The following SH3GL2 variants were observed in gnomAD, a reference collection of about 807,000 sequenced individuals.
SH3GL2 encodes the protein SH3 domain containing GRB2 like 2, endophilin A1.
A neutral mutation model predicts 46.0 loss-of-function variants in SH3GL2; 24 were observed. The observed-to-expected ratio is 0.52, with a 90% CI of 0.38 to 0.73. SH3GL2 has a LOEUF of 0.73. SH3GL2 is among the 30% of genes least tolerant of loss of function. SH3GL2 has a pLI of 0.00. For synonymous variants in SH3GL2, 196 were observed against 147.1 expected, an observed-to-expected ratio of 1.33 and a Z score of -2.40; for missense variants, 413 against 424.2, an observed-to-expected ratio of 0.97 and a Z score of 0.23.
At chr9:17,687,925 AAATT>A (rs1820964928) in intron 1 of SH3GL2, among the ~76,000 whole-genome samples, 2 of 152,112 alleles carry the variant, frequency 1.3e-5, no homozygotes, top group Non-Finnish European at 2.9e-5. Flanking sequence ...TTATGTAACA[AAATT>A]CATTTAAGAG....
chr9:17,744,124 C>G (rs964759615), intron 1 of SH3GL2, among the ~76,000 whole-genome samples: 1 of 152,090 alleles, frequency 6.6e-6, no homozygotes, highest in Non-Finnish European at 1.5e-5. Context: ...TGTGGGAATT[C>G]AGCTAGATTA....
chr9:17,777,542 A>G (rs1445070021), intron 3 of SH3GL2, among the ~76,000 whole-genome samples: 1 of 152,118 alleles, frequency 6.6e-6, no homozygotes, highest in Non-Finnish European at 1.5e-5. Context: ...AATAATAGAA[A>G]TTTATTTTCT....
intron 1 of SH3GL2, among the ~76,000 whole-genome samples, chr9:17,722,515 A>AT (rs1466869803): frequency 6.6e-6 from 1 of 151,414 alleles, no homozygotes; most frequent in African/African-American, 2.4e-5. Context: ...TTTTTTTCTT[A>AT]TTTTTTTATT....
At chr9:17,664,253 A>T (rs3808719) in intron 1 of SH3GL2, among the ~76,000 whole-genome samples, 66,230 of 151,966 alleles carry the variant, frequency 0.44, 15,108 homozygotes, top group African/African-American at 0.56. Flanking sequence ...ATTCCCGTGA[A>T]TACATGTTAG....
At chr9:17,687,916 T>C (rs1018604505) in intron 1 of SH3GL2, among the ~76,000 whole-genome samples, 1 of 152,096 alleles carries the variant, frequency 6.6e-6, no homozygotes, top group Non-Finnish European at 1.5e-5. Context: ...CCAGTTCTGT[T>C]ATGTAACAAA....
intron 2 of SH3GL2, among the ~76,000 whole-genome samples, chr9:17,754,911 T>G (rs542188894): frequency 6.6e-6 from 1 of 152,244 alleles, no homozygotes; most frequent in Non-Finnish European, 1.5e-5. Flanking sequence ...TTTCTGGACA[T>G]AGGATCATGC....
At chr9:17,627,852 AT>A (rs1819318483) in intron 1 of SH3GL2, among the ~76,000 whole-genome samples, 1 of 152,146 alleles carries the variant, frequency 6.6e-6, no homozygotes, top group Non-Finnish European at 1.5e-5. Context: ...GGGATTGTTT[AT>A]TTTTACTGCT....
chr9:17,597,905 G>A (rs576791265), intron 1 of SH3GL2, among the ~76,000 whole-genome samples: 14 of 152,192 alleles, frequency 9.2e-5, no homozygotes, highest in African/African-American at 3.4e-4. Context: ...GTAAGCATTC[G>A]CCCATTAACC....
intron 1 of SH3GL2, among the ~76,000 whole-genome samples, chr9:17,608,248 C>T (rs780985414): frequency 8.8e-5 from 13 of 147,370 alleles, no homozygotes; most frequent in African/African-American, 1.2e-4. Flanking sequence ...CCCAGGTTCA[C>T]GCCATTCTCC....
In SH3GL2 at chr9:17,732,559, A is replaced by G. The variant is rs1236137632; in HGVS notation, c.46-14507A>G. The stretch of plus-strand genomic sequence containing the variant: ...TGTAGAGGCATTCATATAAACAACG[A>G]TAGTTTAAAATACTGTCTAACAAGT... On this transcript the variant is annotated intron_variant, in intron 1 of 8. Coordinates refer to ENST00000380607, the MANE Select transcript of SH3GL2 (RefSeq NM_003026.5). Among the ~76,000 whole-genome samples, 4 of 152,230 alleles carry G rather than the reference A, an allele frequency of 2.6e-5. No homozygotes were observed. In the East Asian group the frequency reaches 5.8e-4, roughly 22 times the overall value.
At chr9:17,686,863 G>A (rs1487906170) in intron 1 of SH3GL2, among the ~76,000 whole-genome samples, 17 of 150,008 alleles carry the variant, frequency 1.1e-4, no homozygotes, top group South Asian at 2.1e-4. Flanking sequence ...TGGGTGCAGC[G>A]CACCAGCATG....
chr9:17,681,793 G>A (rs1820775271), intron 1 of SH3GL2, among the ~76,000 whole-genome samples: 1 of 152,066 alleles, frequency 6.6e-6, no homozygotes, highest in African/African-American at 2.4e-5. Context: ...GAAAATTTTT[G>A]TAATCTACCC....
intron 1 of SH3GL2, among the ~76,000 whole-genome samples, chr9:17,693,177 G>A (rs1275370482): frequency 6.6e-6 from 1 of 152,152 alleles, no homozygotes; most frequent in Non-Finnish European, 1.5e-5. Context: ...AATATTGATA[G>A]TGGGTTTTGG....
chr9:17,664,368 G>C (rs529973838), intron 1 of SH3GL2, among the ~76,000 whole-genome samples: 1 of 152,112 alleles, frequency 6.6e-6, no homozygotes, highest in Admixed American at 6.5e-5. Context: ...GTGGACATTG[G>C]ATCAGGATTC....
intron 1 of SH3GL2, among the ~76,000 whole-genome samples, chr9:17,723,057 TTC>T (rs1180142137): frequency 6.6e-6 from 1 of 152,162 alleles, no homozygotes; most frequent in Non-Finnish European, 1.5e-5. Context: ...ACAGTTTGTT[TTC>T]TGTGACAGAA....
chr9:17,653,382 A>T (rs1358890134), intron 1 of SH3GL2, among the ~76,000 whole-genome samples: 1 of 152,058 alleles, frequency 6.6e-6, no homozygotes, highest in African/African-American at 2.4e-5. Flanking sequence ...GATTCCTAAT[A>T]CTTCTAGCCT....
chr9:17,665,590 G>C (rs961913993), intron 1 of SH3GL2, among the ~76,000 whole-genome samples: 27 of 151,900 alleles, frequency 1.8e-4, no homozygotes, highest in African/African-American at 6.5e-4. Flanking sequence ...CATTTATTCT[G>C]ATGCTCAAAT....
intron 3 of SH3GL2, among the ~76,000 whole-genome samples, chr9:17,778,327 G>A (rs1823703928): frequency 6.6e-6 from 1 of 152,152 alleles, no homozygotes; most frequent in Non-Finnish European, 1.5e-5. Flanking sequence ...TGCCCTCATG[G>A]AGCCTATACT....
intron 2 of SH3GL2, among the ~76,000 whole-genome samples, chr9:17,758,033 A>G (rs1031471539): frequency 1.6e-4 from 24 of 152,200 alleles, no homozygotes; most frequent in African/African-American, 5.5e-4. Context: ...CTACTGGCAG[A>G]TGACTTCAGA....
Sources: allele counts gnomAD v4.1 joint callset (sites outside exome capture counted in the v4.1 genomes callset), GRCh38; gene constraint gnomAD v4.1.1; transcripts MANE v1.5; gene names NCBI Gene and HGNC (gene_info 2026-07-23, HGNC 2026-07-21).